The following PRKG1 variants were observed in gnomAD, a reference collection of about 807,000 sequenced individuals.
The protein encoded by PRKG1 is protein kinase cGMP-dependent 1, also known as cGMP-dependent protein kinase 1.
PRKG1 carries 35 observed loss-of-function variants against 88.1 expected under a neutral mutation model. The observed-to-expected ratio is 0.40, with a 90% CI of 0.30 to 0.53. The LOEUF is 0.53. Ranked by LOEUF, PRKG1 falls within the 20% of genes least tolerant of loss-of-function variation. The pLI, the probability that PRKG1 is intolerant of heterozygous loss-of-function variation, is 0.59. For synonymous variants in PRKG1, 303 were observed against 292.5 expected, an observed-to-expected ratio of 1.04 and a Z score of -0.37; for missense variants, 540 against 839.8, an observed-to-expected ratio of 0.64 and a Z score of 4.41.
chr10:51,294,923 A>G (rs965799095), intron 2 of PRKG1, among the ~76,000 whole-genome samples: 4 of 152,210 alleles, frequency 2.6e-5, no homozygotes, highest in Non-Finnish European at 5.9e-5. Flanking sequence ...AAAATTTGAA[A>G]CATAAAAAAA....
intron 3 of PRKG1, among the ~76,000 whole-genome samples, chr10:51,791,875 G>A (rs949993856): frequency 2.0e-5 from 3 of 152,090 alleles, no homozygotes; most frequent in Non-Finnish European, 2.9e-5. Context: ...GGCAGGAAAA[G>A]GATGGGTGGA....
chr10:52,078,282 A>G (rs1310460163), intron 7 of PRKG1, among the ~76,000 whole-genome samples: 1 of 152,238 alleles, frequency 6.6e-6, no homozygotes, highest in Non-Finnish European at 1.5e-5. Context: ...ACTTGAAGTT[A>G]ATCTTAAAAT....
intron 1 of PRKG1, among the ~76,000 whole-genome samples, chr10:51,084,501 A>C (rs1472046544): frequency 6.6e-6 from 1 of 152,226 alleles, no homozygotes; most frequent in Non-Finnish European, 1.5e-5. Flanking sequence ...GCCTTTCTAA[A>C]GATCATAAAT....
At chr10:51,857,378 CT>C (rs2132820913) in intron 4 of PRKG1, among the ~76,000 whole-genome samples, 1 of 152,246 alleles carries the variant, frequency 6.6e-6, no homozygotes, top group East Asian at 1.9e-4. Flanking sequence ...TTTTCAAAGC[CT>C]TTTTTAAATC....
chr10:51,523,508 T>A (rs1368987939), intron 3 of PRKG1, among the ~76,000 whole-genome samples: 1 of 152,170 alleles, frequency 6.6e-6, no homozygotes, highest in Admixed American at 6.5e-5. Flanking sequence ...TTAACTTCAG[T>A]GTCTCTAGGA....
intron 9 of PRKG1, among the ~76,000 whole-genome samples, chr10:52,238,669 C>G (rs1299239700): frequency 6.7e-6 from 1 of 148,702 alleles, no homozygotes; most frequent in South Asian, 2.2e-4. Flanking sequence ...AGTCAGGAAA[C>G]AACAGGTGCT....
chr10:51,022,445 A>G (rs1369895593), intron 1 of PRKG1, among the ~76,000 whole-genome samples: 1 of 152,072 alleles, frequency 6.6e-6, no homozygotes, highest in Non-Finnish European at 1.5e-5. Flanking sequence ...CTTTCCTTCC[A>G]GGTCTGGAAA....
intron 1 of PRKG1, among the ~76,000 whole-genome samples, chr10:51,056,207 C>A (rs966478706): frequency 6.6e-6 from 1 of 152,184 alleles, no homozygotes; most frequent in Non-Finnish European, 1.5e-5. Flanking sequence ...CAATAATTTT[C>A]ACTTGTTCTC....
At chr10:51,946,961 G>A (rs1034876876) in intron 5 of PRKG1, among the ~76,000 whole-genome samples, 19 of 152,088 alleles carry the variant, frequency 1.2e-4, no homozygotes, top group Non-Finnish European at 2.5e-4. Context: ...ATCTCCAGCT[G>A]CATGCTGGGA....
At chr10:51,564,436 A>G (rs1002231313) in intron 3 of PRKG1, among the ~76,000 whole-genome samples, 19 of 152,010 alleles carry the variant, frequency 1.2e-4, no homozygotes, top group African/African-American at 4.1e-4. Context: ...CTGAAGAGGG[A>G]CAGTTGGATA....
intron 2 of PRKG1, among the ~76,000 whole-genome samples, chr10:51,428,033 A>G (rs1838641891): frequency 6.6e-6 from 1 of 152,192 alleles, no homozygotes; most frequent in Non-Finnish European, 1.5e-5. Context: ...GTAGAGACAG[A>G]GAGAAGCTAA....
chr10:51,785,870 T>C (rs1257124314), intron 3 of PRKG1, among the ~76,000 whole-genome samples: 1 of 152,158 alleles, frequency 6.6e-6, no homozygotes, highest in African/African-American at 2.4e-5. Context: ...CCAATATAGA[T>C]AAATAGATCA....
At chr10:51,445,254 G>A (rs1037025703) in intron 2 of PRKG1, among the ~76,000 whole-genome samples, 1 of 151,870 alleles carries the variant, frequency 6.6e-6, no homozygotes, top group Non-Finnish European at 1.5e-5. Flanking sequence ...GAAACCAATT[G>A]TTGTTCATCA....
chr10:51,523,083 A>G (rs1841778841), intron 3 of PRKG1, among the ~76,000 whole-genome samples: 2 of 152,194 alleles, frequency 1.3e-5, no homozygotes, highest in African/African-American at 4.8e-5. Context: ...ATTATGCAAC[A>G]CCAGATACTG....
At chr10:51,139,678 T>C (rs1432138480) in intron 1 of PRKG1, among the ~76,000 whole-genome samples, 1 of 152,206 alleles carries the variant, frequency 6.6e-6, no homozygotes, top group African/African-American at 2.4e-5. Flanking sequence ...TTGCAAAATA[T>C]ACTTTCAAGT....
At chr10:51,236,803 C>T (rs188729110) in intron 2 of PRKG1, among the ~76,000 whole-genome samples, 11 of 152,248 alleles carry the variant, frequency 7.2e-5, no homozygotes, top group South Asian at 2.1e-4. Context: ...CACGCTCAGC[C>T]ATGAACCAGG....
At chr10:51,566,372 G>A (rs909824593) in intron 3 of PRKG1, among the ~76,000 whole-genome samples, 1 of 151,998 alleles carries the variant, frequency 6.6e-6, no homozygotes, top group Non-Finnish European at 1.5e-5. Context: ...TTCTTTCCTT[G>A]TTTTATGTAC....
chr10:51,960,927 G>T (rs1409447078), intron 5 of PRKG1, among the ~76,000 whole-genome samples: 1 of 152,136 alleles, frequency 6.6e-6, no homozygotes, highest in Non-Finnish European at 1.5e-5. Flanking sequence ...ATGCTACTCA[G>T]GCGTGATTGT....
intron 9 of PRKG1, among the ~76,000 whole-genome samples, chr10:52,173,079 AT>A (rs962101765): frequency 2.0e-5 from 3 of 152,344 alleles, no homozygotes; most frequent in Admixed American, 1.3e-4. Flanking sequence ...GATTTTCTAA[AT>A]TTATAATGAG....
Sources: gnomAD v4.1 joint callset for allele counts (sites outside exome capture counted in the v4.1 genomes callset) on GRCh38, gnomAD v4.1.1 for gene constraint, MANE v1.5 for transcripts, NCBI Gene and HGNC (gene_info 2026-07-23, HGNC 2026-07-21) for gene names.